Variants in TCF20 observed in about 807,000 individuals in gnomAD.
TCF20 encodes the protein transcription factor 20.
In TCF20, 3 loss-of-function variants were observed where a neutral mutation model predicts 148.6. The observed-to-expected ratio is 0.02, with a 90% CI of 0.01 to 0.05. The LOEUF (loss-of-function observed/expected upper bound fraction) is 0.05. Ranked by LOEUF, TCF20 falls within the 10% of genes least tolerant of loss-of-function variation. TCF20 has a pLI of 1.00. For synonymous variants in TCF20, 1,049 were observed against 909.5 expected, an observed-to-expected ratio of 1.15 and a Z score of -2.76; for missense variants, 2,350 against 2,429.3, an observed-to-expected ratio of 0.97 and a Z score of 0.69.
chr22:42,210,064 T>C lies in TCF20; in HGVS notation c.5242A>G (p.Lys1748Glu). 6.2e-7 allele frequency: 1 copy of C among 1,613,686 alleles called. No homozygotes were observed. Residue 1748 changes from lysine (K) to glutamate (E), a missense_variant, in exon 2 of 6, where the codon AAA becomes GAA. Lys to Glu is a moderately conservative substitution (Grantham distance 56, BLOSUM62 1). This residue lies in a region of TCF20 where 374 missense variants were observed against 398.3 expected (regional missense o/e 0.94). Coordinates refer to ENST00000677622, the MANE Select transcript of TCF20 (RefSeq NM_001378418.1). This position sits in a 1 kb window ranked among gnomAD's most constrained non-coding sequence, Gnocchi z 4.7. ...GCACTTTTGTGCCGTACCTTAACTT[T>C]GCTCTGCATTTCTGTGGCCCTCTTA... ...PPKRATEMQS[K>E]VKVRHKSASN...
At chr22:42,221,523 A>G (rs1569160832) in intron 1 of TCF20, among the ~76,000 whole-genome samples, 1 of 152,140 alleles carries the variant, frequency 6.6e-6, no homozygotes, top group Non-Finnish European at 1.5e-5. Flanking sequence ...AGAGACTTCT[A>G]TTTCATGCAC....
At chr22:42,234,916 G>A (rs1035368097) in intron 1 of TCF20, among the ~76,000 whole-genome samples, 3 of 152,048 alleles carry the variant, frequency 2.0e-5, no homozygotes, top group Non-Finnish European at 4.4e-5. Flanking sequence ...CAGGGCAGGC[G>A]GATCACGAGG....
chr22:42,179,735 A>C (rs766498829), intron 2 of TCF20, 33 bp from the exon 3 acceptor site: 1 of 1,518,780 alleles, frequency 6.6e-7, no homozygotes, highest in Non-Finnish European at 9.1e-7. Context: ...GCATGTCAGT[A>C]TCCCAGATTT....
intron 1 of TCF20, among the ~76,000 whole-genome samples, chr22:42,261,528 C>G (rs1412625627): frequency 6.6e-6 from 1 of 152,188 alleles, no homozygotes; most frequent in Non-Finnish European, 1.5e-5. Context: ...CACAGTCTTT[C>G]AGCTCTTCAA....
At position 42,246,722 on chromosome 22, in the gene TCF20, T is replaced by C. The variant is rs558120021; in HGVS notation, c.-37+23617A>G. On this transcript the variant is annotated intron_variant, in intron 1 of 5. Transcript: ENST00000677622. ...GTGGCTCACGCCTGTAATCCCAGCA[T>C]TTTGGGAGGCTGAGGCAGGCAGATC... Among the ~76,000 whole-genome samples, 81 of 151,866 alleles carry C rather than the reference T, an allele frequency of 5.3e-4. 1 individual carries two copies. The highest frequency in any genetic ancestry group is 1.9e-3 in the African/African-American group (78 of 41,446).
rs537441668 is a variant in TCF20, at chr22:42,290,909, T to A, written c.-37+52570A>T. Among the ~76,000 whole-genome samples, 10 of 152,276 alleles carry A rather than the reference T, an allele frequency of 6.6e-5. No individual in the cohort carries two copies. The highest frequency in any genetic ancestry group is 2.4e-4 in the African/African-American group (10 of 41,536). On this transcript the variant is annotated intron_variant, in intron 1 of 1. Coordinates refer to the TCF20 transcript ENST00000515426. This position sits in a 1 kb window ranked among gnomAD's most constrained non-coding sequence, Gnocchi z 4.2. ...TTCAGGGGCTTTGCAAAGCACCCCC[T>A]CTTACCTTACCTCGGTACAACCTCA...
At chr22:42,262,209 G>A (rs1297785578) in intron 1 of TCF20, among the ~76,000 whole-genome samples, 2 of 152,160 alleles carry the variant, frequency 1.3e-5, no homozygotes, top group African/African-American at 2.4e-5. Context: ...ACTCTTGGCC[G>A]CTCTGGGTGA....
chr22:42,295,275 TC>T (rs1180460324), intron 1 of TCF20, among the ~76,000 whole-genome samples: 1 of 151,934 alleles, frequency 6.6e-6, no homozygotes, highest in African/African-American at 2.4e-5. Context: ...TGCTGCAGCC[TC>T]CCCACCCTCT....
intron 1 of TCF20, among the ~76,000 whole-genome samples, chr22:42,221,744 T>TTTTTTTTTTG (rs1406820152): frequency 7.8e-6 from 1 of 128,584 alleles, no homozygotes; most frequent in African/African-American, 3.2e-5. Flanking sequence ...AAAGGGTTTT[T>TTTTTTTTTTG]TTTTTTTTTT....
chr22:42,211,145 A>C lies in TCF20; in HGVS notation c.4161T>G (p.Ser1387=), dbSNP rs753816944. 5 of 1,614,062 alleles carry C rather than the reference A, an allele frequency of 3.1e-6. No individual in the cohort carries two copies. In the African/African-American group the frequency reaches 5.3e-5, roughly 17 times the overall value. The change falls in exon 2 of 6, where the codon TCT becomes TCG. Residue 1387 remains serine (S), a synonymous_variant. Coordinates refer to ENST00000677622, the MANE Select transcript of TCF20 (RefSeq NM_001378418.1). ...CACCTTCAGGAGGACCACTCTTCAA[A>C]GACAGTATATCATCAAGCGTAACCG... ...GDTVTLDDIL[S]LKSGPPEGGS...
At chr22:42,242,730 T>A (rs544872916) in intron 1 of TCF20, among the ~76,000 whole-genome samples, 2 of 151,750 alleles carry the variant, frequency 1.3e-5, no homozygotes, top group Non-Finnish European at 2.9e-5. Flanking sequence ...CTACTAAAAA[T>A]ACAAAACTTG....
intron 1 of TCF20, among the ~76,000 whole-genome samples, chr22:42,228,921 T>A (rs962567934): frequency 6.6e-6 from 1 of 152,056 alleles, no homozygotes; most frequent in Non-Finnish European, 1.5e-5. Context: ...GCTCATGAAG[T>A]ATAAGAACCG....
chr22:42,338,684 C>T lies in TCF20; in HGVS notation c.-37+4795G>A, dbSNP rs547477039. On this transcript the variant is annotated intron_variant, in intron 1 of 1. Coordinates refer to the TCF20 transcript ENST00000515426. This position sits in a 1 kb window ranked among gnomAD's most constrained non-coding sequence, Gnocchi z 4.0. ...AGCTCCTGCGACGGAGGCTGCCAGG[C>T]GGGACGGGCTGGGCACGGCACGAGG... Among the ~76,000 whole-genome samples the T allele has an allele frequency of 6.6e-6, 1 of 152,210 alleles. No homozygotes were observed. Among genetic ancestry groups the T allele is most frequent in the African/African-American group, 2.4e-5 (1 of 41,434 alleles).
At chr22:42,313,268 C>T (rs1177104921) in intron 1 of TCF20, among the ~76,000 whole-genome samples, 1 of 152,198 alleles carries the variant, frequency 6.6e-6, no homozygotes, top group Non-Finnish European at 1.5e-5. Context: ...CAACCCAATC[C>T]CGCTGACCCC....
chr22:42,323,543 G>A (rs555660196), intron 1 of TCF20, among the ~76,000 whole-genome samples: 4 of 151,790 alleles, frequency 2.6e-5, no homozygotes, highest in African/African-American at 7.3e-5. Context: ...CAGCTGACCC[G>A]AGCCATGCAG....
At chr22:42,174,256 A>C (rs1331465730) in intron 3 of TCF20, among the ~76,000 whole-genome samples, 2 of 152,134 alleles carry the variant, frequency 1.3e-5, no homozygotes, top group Non-Finnish European at 2.9e-5. Flanking sequence ...TCCCACTAGC[A>C]CTCAATGATC....
chr22:42,211,323 C>T lies in TCF20; in HGVS notation c.3983G>A (p.Cys1328Tyr), dbSNP rs1317033297. 6.2e-7 allele frequency: 1 copy of T among 1,614,068 alleles called. No homozygotes were observed. The highest frequency in any genetic ancestry group is 2.2e-5 in the East Asian group (1 of 44,894). The part of the protein sequence containing the change: ...KDLPSPDSRN[C>Y]PAVTLTSPAK... ...AGGGCTTGTGAGGGTAACAGCAGGG[C>T]AGTTTCTACTATCTGGACTTGGAAG... is the stretch of plus-strand genomic sequence containing the variant. Residue 1328 changes from cysteine (C) to tyrosine (Y), a missense_variant, in exon 2 of 6, where the codon TGC becomes TAC. This residue lies in a region of TCF20 where 1,641 missense variants were observed against 1,662.6 expected (regional missense o/e 0.99). Coordinates refer to ENST00000677622, the MANE Select transcript of TCF20 (RefSeq NM_001378418.1).
intron 2 of TCF20, among the ~76,000 whole-genome samples, chr22:42,183,423 TC>T (rs1010478458): frequency 6.6e-6 from 1 of 151,822 alleles, no homozygotes; most frequent in Non-Finnish European, 1.5e-5. Context: ...AGCAAACGAT[TC>T]CCCCCCAGAG....
At chr22:42,320,593 G>A (rs960813416) in intron 1 of TCF20, among the ~76,000 whole-genome samples, 1 of 152,230 alleles carries the variant, frequency 6.6e-6, no homozygotes, top group Non-Finnish European at 1.5e-5. Flanking sequence ...CAGGAGAATA[G>A]AACAAAGTCA....
Sources: gnomAD v4.1 joint callset for allele counts (sites outside exome capture counted in the v4.1 genomes callset) on GRCh38, gnomAD v4.1.1 for gene constraint, gnomAD v4.1.1 regional missense constraint, Gnocchi (gnomAD v3.1) non-coding constraint, MANE v1.5 for transcripts, NCBI Gene and HGNC (gene_info 2026-07-23, HGNC 2026-07-21) for gene names.